CNIH3: variants seen among roughly 807,000 people sequenced by gnomAD.
CNIH3 encodes the protein cornichon family AMPA receptor auxiliary protein 3.
A neutral mutation model predicts 24.1 loss-of-function variants in CNIH3; 14 were observed. That is an observed-to-expected ratio of 0.58 (90% confidence interval 0.38 to 0.91). The LOEUF is 0.91. CNIH3 is among the 40% of genes least tolerant of loss of function. The probability of loss-of-function intolerance (pLI) is 0.00; values close to 1 mark genes in which losing one functional copy is unlikely to be tolerated. For missense variants in CNIH3, 178 were observed against 196.8 expected (o/e 0.90, Z 0.57); for synonymous variants, 68 against 73.8 (o/e 0.92, Z 0.40).
chr1:224,452,002 C>A (rs1258204340), intron 1 of CNIH3, among the ~76,000 whole-genome samples: 1 of 152,262 alleles, frequency 6.6e-6, no homozygotes, highest in African/African-American at 2.4e-5. Flanking sequence ...TTACCAGAGT[C>A]GCCACGCTTT....
chr1:224,597,456 T>G (rs2125037241), intron 3 of CNIH3, among the ~76,000 whole-genome samples: 1 of 152,338 alleles, frequency 6.6e-6, no homozygotes, highest in Admixed American at 6.5e-5. Flanking sequence ...CTGCTCAGTC[T>G]ATTAATATTA....
chr1:224,529,312 T>C (rs892461414), intron 2 of CNIH3: 6 of 152,252 alleles, frequency 3.9e-5, no homozygotes, highest in Non-Finnish European at 5.9e-5. Context: ...TTTAGCAGCA[T>C]CTTAAATTTT....
intron 3 of CNIH3, among the ~76,000 whole-genome samples, chr1:224,547,543 C>A (rs890314626): frequency 6.6e-6 from 1 of 151,898 alleles, no homozygotes; most frequent in Non-Finnish European, 1.5e-5. Context: ...GGGGGTGAAA[C>A]ACCCTGTGTG....
chr1:224,626,018 G>A (rs148087950), intron 1 of CNIH3, among the ~76,000 whole-genome samples: 1 of 151,930 alleles, frequency 6.6e-6, no homozygotes, highest in African/African-American at 2.4e-5. Context: ...TCCCCTTGTG[G>A]GTTAGATAAG....
At chr1:224,468,391 A>G (rs1024391459) in intron 1 of CNIH3, among the ~76,000 whole-genome samples, 2 of 152,178 alleles carry the variant, frequency 1.3e-5, no homozygotes, top group Non-Finnish European at 2.9e-5. Context: ...GCTCTTATAC[A>G]TGTTTTGTTA....
At chr1:224,465,644 T>C (rs1165187865) in intron 1 of CNIH3, among the ~76,000 whole-genome samples, 1 of 152,254 alleles carries the variant, frequency 6.6e-6, no homozygotes, top group African/African-American at 2.4e-5. Flanking sequence ...ATAAACGGGA[T>C]ATTGCAAATA....
intron 3 of CNIH3, among the ~76,000 whole-genome samples, chr1:224,551,142 C>A (rs1679904511): frequency 6.6e-6 from 1 of 151,888 alleles, no homozygotes; most frequent in Admixed American, 6.6e-5. Flanking sequence ...CTAGTTCAAC[C>A]ATTGTGGAAG....
intron 4 of CNIH3, among the ~76,000 whole-genome samples, chr1:224,570,343 AGT>A (rs59777377): frequency 0.13 from 19,807 of 151,922 alleles, 1,404 homozygotes; most frequent in East Asian, 0.26. Context: ...AGCAGTCTCC[AGT>A]GTCTGTTGTT....
chr1:224,683,942 C>T (rs746871684), intron 2 of CNIH3, among the ~76,000 whole-genome samples: 6 of 152,132 alleles, frequency 3.9e-5, no homozygotes, highest in Admixed American at 6.5e-5. Flanking sequence ...TTACAGGATG[C>T]GCAGGAATCA....
chr1:224,463,813 G>A (rs1482447666), intron 1 of CNIH3, among the ~76,000 whole-genome samples: 4 of 88,626 alleles, frequency 4.5e-5, no homozygotes, highest in African/African-American at 2.5e-4. Flanking sequence ...TTTTTTTAGA[G>A]GGAGTCTCGC....
intron 1 of CNIH3, among the ~76,000 whole-genome samples, chr1:224,455,564 A>G (rs1675613145): frequency 6.6e-6 from 1 of 152,182 alleles, no homozygotes; most frequent in African/African-American, 2.4e-5. Context: ...CCCAGAGGGG[A>G]GGCCCATTAT....
Position 224,604,526 on chromosome 1 carries a change from T to C in CNIH3, n.402+38262T>C, listed in dbSNP as rs1432905230. 6.6e-6 allele frequency among the ~76,000 whole-genome samples: 1 copy of C among 152,172 alleles called. No homozygotes were observed. The highest frequency in any genetic ancestry group is 1.5e-5 in the Non-Finnish European group (1 of 68,030). ...AAGAAGGGACCCCTACGCCGCTTTG[T>C]GCCAGTGACTTGTGGAAGAGACAAG... On this transcript the variant is annotated intron_variant and non_coding_transcript_variant, in intron 3 of 7. Transcript: ENST00000478120. The surrounding 1 kb of genome is among the most constrained non-coding windows in gnomAD (Gnocchi z 4.4).
chr1:224,491,659 G>C (rs1677241993), intron 1 of CNIH3, among the ~76,000 whole-genome samples: 1 of 151,908 alleles, frequency 6.6e-6, no homozygotes, highest in Non-Finnish European at 1.5e-5. Context: ...AGGCTGGAGT[G>C]CAGTGGCACA....
chr1:224,484,731 C>T (rs1271741278), intron 1 of CNIH3, among the ~76,000 whole-genome samples: 2 of 152,148 alleles, frequency 1.3e-5, no homozygotes, highest in East Asian at 3.8e-4. Context: ...TTGATGTCTT[C>T]AAGTTCACTC....
chr1:224,523,821 G>A (rs559125010), intron 2 of CNIH3, among the ~76,000 whole-genome samples: 77 of 152,276 alleles, frequency 5.1e-4, no homozygotes, highest in African/African-American at 1.8e-3. Flanking sequence ...CAGGGCAAGA[G>A]GCACATTAGT....
In CNIH3 at chr1:224,468,355, C is replaced by G. The variant is rs569461538; in HGVS notation, n.203+33493C>G. 2.6e-5 allele frequency among the ~76,000 whole-genome samples: 4 copies of G among 152,188 alleles called. No homozygotes were observed. The East Asian group carries it at 7.7e-4, about 29-fold the overall frequency. ...TTAGGTCTTCTGTGATTTCTTTCAT[C>G]AACATTTTGTAATTTTCAGCATACA... On this transcript the variant is annotated intron_variant and non_coding_transcript_variant, in intron 1 of 5. Transcript: ENST00000471578.
chr1:224,466,448 T>G lies in CNIH3; in HGVS notation n.203+31586T>G, dbSNP rs575156051. 2.6e-5 allele frequency among the ~76,000 whole-genome samples: 4 copies of G among 152,330 alleles called. No homozygotes were observed. In the South Asian group the frequency reaches 8.3e-4, roughly 32 times the overall value. ...TCTATCGTAGTTTTTTCCTTTATGT[T>G]GCAGAGTAGTATCTGTGGTATGGAT... On this transcript the variant is annotated intron_variant and non_coding_transcript_variant, in intron 1 of 5. Coordinates refer to the CNIH3 transcript ENST00000471578.
rs149052885 is a variant in CNIH3, at chr1:224,450,341, G to A, written n.203+15479G>A. ...TGGTGTGACGGTATGATGGTATGAC[G>A]TGCTAGGCAGAGAATTAAAGAAGGA... On this transcript the variant is annotated intron_variant and non_coding_transcript_variant, in intron 1 of 5. Coordinates refer to the CNIH3 transcript ENST00000471578. 9.0e-4 allele frequency among the ~76,000 whole-genome samples: 137 copies of A among 152,286 alleles called. 2 individuals are homozygous for A. In the East Asian group the frequency reaches 0.024, roughly 26 times the overall value.
chr1:224,637,153 C>T (rs1208056877), intron 1 of CNIH3, among the ~76,000 whole-genome samples: 1 of 152,086 alleles, frequency 6.6e-6, no homozygotes, highest in Non-Finnish European at 1.5e-5. Context: ...CGGGGTTTCA[C>T]TATGTTGGCC....
Sources: gnomAD v4.1 joint callset for allele counts (sites outside exome capture counted in the v4.1 genomes callset) on GRCh38, gnomAD v4.1.1 for gene constraint, Gnocchi (gnomAD v3.1) non-coding constraint, MANE v1.5 for transcripts, NCBI Gene and HGNC (gene_info 2026-07-23, HGNC 2026-07-21) for gene names.